Variants in RUBCN observed in about 807,000 individuals in gnomAD.
The protein encoded by RUBCN is run domain Beclin-1-interacting and cysteine-rich domain-containing protein.
In RUBCN, 74 loss-of-function variants were observed where a neutral mutation model predicts 113.2. The ratio of observed to expected loss-of-function variants is 0.65; its 90% CI spans 0.54 to 0.79. The LOEUF (loss-of-function observed/expected upper bound fraction) is 0.79, where lower values mean the gene tolerates loss of function less well. RUBCN is among the 30% of genes least tolerant of loss of function. The pLI is 0.00. For synonymous variants in RUBCN, 480 were observed against 490.0 expected, an observed-to-expected ratio of 0.98 and a Z score of 0.27; for missense variants, 1,109 against 1,251.7, an observed-to-expected ratio of 0.89 and a Z score of 1.72.
At chr3:197,692,644 C>CACAT (rs1299927499) in intron 11 of RUBCN, among the ~76,000 whole-genome samples, 4 of 152,124 alleles carry the variant, frequency 2.6e-5, no homozygotes, top group Admixed American at 2.6e-4. Flanking sequence ...GTTGGAAAAT[C>CACAT]ACATACAAAC....
At position 197,704,718 on chromosome 3, in the gene RUBCN, C is replaced by A. The variant is rs1195141478; in HGVS notation, c.304-17G>T. The A allele has an allele frequency of 6.2e-7, 1 of 1,612,986 alleles. No homozygotes were observed. Among genetic ancestry groups the A allele is most frequent in the South Asian group, 1.1e-5 (1 of 90,998 alleles). ...GCTGATGAACTGGGAAGCAAAGGGGCATGAGTCAAAACACACATCCTGGTA... is the reference window on the plus strand; with the variant it reads ...GCTGATGAACTGGGAAGCAAAGGGGAATGAGTCAAAACACACATCCTGGTA... On this transcript the variant is annotated splice_polypyrimidine_tract_variant and intron_variant, in intron 3 of 19. Transcript: ENST00000296343.
chr3:197,744,537 A>G (rs1227332401), intron 1 of RUBCN, among the ~76,000 whole-genome samples: 2 of 152,230 alleles, frequency 1.3e-5, no homozygotes, highest in Non-Finnish European at 2.9e-5. Context: ...TTTAAAAATT[A>G]GCATCATACT....
At chr3:197,738,562 T>C (rs552968600), upstream of RUBCN, among the ~76,000 whole-genome samples, 1 of 152,258 alleles carries the variant, frequency 6.6e-6, no homozygotes, top group South Asian at 2.1e-4. Context: ...GCAATATTAC[T>C]CATTGGGATT....
At chr3:197,701,617 T>C (rs1487180480) in intron 6 of RUBCN, 91 bp downstream of exon 6, 3 of 1,211,676 alleles carry the variant, frequency 2.5e-6, no homozygotes, top group Non-Finnish European at 3.6e-6. Flanking sequence ...AACCCAAGTC[T>C]CAATTTTCCA....
At position 197,670,619 on chromosome 3, in the gene RUBCN, T is replaced by A. The variant is rs1361435174; in HGVS notation, c.*4399A>T. 2.0e-5 allele frequency among the ~76,000 whole-genome samples: 3 copies of A among 152,264 alleles called. No homozygotes were observed. Among genetic ancestry groups the A allele is most frequent in the African/African-American group, 7.2e-5 (3 of 41,468 alleles). ...TTTTGTACTGTAAGCTATTTTCCTA[T>A]CTCTAGTTGAAAAACATTTGAACAT... is the stretch of plus-strand genomic sequence containing the variant. On this transcript the variant is annotated 3_prime_UTR_variant, in exon 20 of 20. Coordinates refer to ENST00000296343, the MANE Select transcript of RUBCN (RefSeq NM_014687.4).
chr3:197,670,070 G>A lies in RUBCN; in HGVS notation c.*4948C>T, dbSNP rs1719641652. ...TGCCCAACTAGCTTTTGTATTTTTA[G>A]TAGAGACAAGGTTTCACCATGTTGG... On this transcript the variant is annotated 3_prime_UTR_variant, in exon 20 of 20. Coordinates refer to ENST00000296343, the MANE Select transcript of RUBCN (RefSeq NM_014687.4). 1.3e-5 allele frequency among the ~76,000 whole-genome samples: 2 copies of A among 152,120 alleles called. No individual in the cohort carries two copies. Among genetic ancestry groups the A allele is most frequent in the Non-Finnish European group, 2.9e-5 (2 of 68,038 alleles).
At chr3:197,696,381 AAAAAC>A in intron 8 of RUBCN, among the ~76,000 whole-genome samples, 1 of 151,968 alleles carries the variant, frequency 6.6e-6, no homozygotes, top group African/African-American at 2.4e-5. Context: ...TCAAAAAAAA[AAAAAC>A]AAAACAAAAA....
At position 197,674,835 on chromosome 3, in the gene RUBCN, T is replaced by C. The variant is rs1300398526; in HGVS notation, c.*183A>G. ...TCTGTCACCACAGACTCTGGACCCA[T>C]CAACCTGCCGACGGCTGACTGCACA... On this transcript the variant is annotated 3_prime_UTR_variant, in exon 20 of 20. Coordinates refer to ENST00000296343, the MANE Select transcript of RUBCN (RefSeq NM_014687.4). 4 of 550,548 alleles carry C rather than the reference T, an allele frequency of 7.3e-6. No homozygotes were observed. In the African/African-American group the frequency reaches 8.8e-5, roughly 12 times the overall value. 34.1% of individuals were successfully genotyped at this position (550,548 alleles called of 1,614,324 possible). A position where few individuals can be genotyped will look rare whatever the true frequency, so the allele number is the denominator to read the frequency against.
intron 2 of RUBCN, among the ~76,000 whole-genome samples, chr3:197,709,649 G>A (rs1301422917): frequency 6.6e-6 from 1 of 151,978 alleles, no homozygotes; most frequent in Non-Finnish European, 1.5e-5. Context: ...CAAAGTGCTG[G>A]GATTACAGGG....
chr3:197,702,627 C>A (rs1245448061), intron 5 of RUBCN, among the ~76,000 whole-genome samples: 1 of 152,156 alleles, frequency 6.6e-6, no homozygotes, highest in Non-Finnish European at 1.5e-5. Flanking sequence ...CATGCCACTG[C>A]ATTCCAGCCC....
chr3:197,742,837 C>A (rs1728581217), intron 1 of RUBCN, among the ~76,000 whole-genome samples: 1 of 152,268 alleles, frequency 6.6e-6, no homozygotes, highest in African/African-American at 2.4e-5. Flanking sequence ...TTGAGGATAT[C>A]TTCGAAAAAC....
intron 11 of RUBCN, among the ~76,000 whole-genome samples, chr3:197,686,606 C>G (rs1163928105): frequency 2.0e-5 from 3 of 152,222 alleles, no homozygotes; most frequent in Non-Finnish European, 4.4e-5. Context: ...TACTGAAGAT[C>G]TGGATAAAAG....
intron 11 of RUBCN, among the ~76,000 whole-genome samples, chr3:197,688,366 A>G (rs1722071703): frequency 6.6e-6 from 1 of 152,148 alleles, no homozygotes; most frequent in African/African-American, 2.4e-5. Flanking sequence ...TCGGCCTCCC[A>G]AAGTTCCGGG....
At chr3:197,723,422 G>T (rs1726385887) in intron 1 of RUBCN, among the ~76,000 whole-genome samples, 1 of 152,164 alleles carries the variant, frequency 6.6e-6, no homozygotes, top group Non-Finnish European at 1.5e-5. Context: ...TTGACCTCAA[G>T]TGACCTGCCC....
chr3:197,688,661 GCAA>G (rs1468730829), intron 11 of RUBCN, among the ~76,000 whole-genome samples: 1 of 152,182 alleles, frequency 6.6e-6, no homozygotes, highest in East Asian at 1.9e-4. Context: ...GAAAAAAATA[GCAA>G]CAACAAAACT....
chr3:197,717,943 C>A, intron 2 of RUBCN, 34 bp downstream of exon 2: 1 of 1,612,384 alleles, frequency 6.2e-7, no homozygotes, highest in South Asian at 1.1e-5. Flanking sequence ...ACAAGCGAGT[C>A]AGCCAATCTG....
chr3:197,693,770 C>T lies in RUBCN; in HGVS notation c.1731G>A (p.Ser577=), dbSNP rs769043892. The change falls in exon 11 of 20, where the codon TCG becomes TCA. Residue 577 remains serine, a synonymous_variant. Transcript: ENST00000296343. ...CAGAGCCAGAGTCAGAGAGCTGTGC[C>T]GAATCACGTGAGCTGAACTGGGAGC... ...SSSSQFSSRD[S]AQLSDSGSAD... 39 of 1,613,914 alleles carry T rather than the reference C, an allele frequency of 2.4e-5. No individual in the cohort carries two copies. The highest frequency in any genetic ancestry group is 1.6e-4 in the East Asian group (7 of 44,888).
At chr3:197,745,344 A>G (rs188320049) in intron 1 of RUBCN, among the ~76,000 whole-genome samples, 79 of 149,302 alleles carry the variant, frequency 5.3e-4, no homozygotes, top group African/African-American at 1.9e-3. Context: ...AGCCAGGTGC[A>G]GTGGCTCACA....
intron 7 of RUBCN, 86 bp from the exon 8 acceptor site, chr3:197,697,135 T>G (rs936116277): frequency 1.1e-5 from 8 of 745,952 alleles, no homozygotes; most frequent in Non-Finnish European, 2.0e-5. Context: ...AACACTTAAC[T>G]GCACCCCTTC....
Sources: allele counts gnomAD v4.1 joint callset (sites outside exome capture counted in the v4.1 genomes callset), GRCh38; gene constraint gnomAD v4.1.1; transcripts MANE v1.5; gene names NCBI Gene and HGNC (gene_info 2026-07-23, HGNC 2026-07-21).